KCTD14: variants seen among roughly 807,000 people sequenced by gnomAD.
KCTD14 encodes the protein BTB/POZ domain-containing protein KCTD14.
A neutral mutation model predicts 5.9 loss-of-function variants in KCTD14; 7 were observed. The ratio of observed to expected loss-of-function variants is 1.19; its 90% CI spans 0.68 to 2.23. The LOEUF is 2.23. Ranked by LOEUF, KCTD14 falls within the 30% of genes most tolerant of loss-of-function variation. The pLI is 0.00. For synonymous variants in KCTD14, 140 were observed against 133.1 expected (o/e 1.05, Z -0.36); for missense variants, 342 against 332.2 (o/e 1.03, Z -0.23).
chr11:78,038,530 C>G, intron 2 of KCTD14: 1 of 1,022,150 alleles, frequency 9.8e-7, no homozygotes, highest in East Asian at 2.6e-5. Flanking sequence ...TCAACCGCAC[C>G]CCATCTGGCT....
intron 2 of KCTD14, among the ~76,000 whole-genome samples, chr11:78,029,116 C>T (rs189322868): frequency 6.7e-5 from 10 of 148,420 alleles, no homozygotes; most frequent in Admixed American, 2.1e-4. Context: ...ACCCGGGAGG[C>T]GGAGGTTGCA....
Position 78,023,161 on chromosome 11 carries a change from G to A in KCTD14, c.89C>T (p.Thr30Met). 6.3e-7 allele frequency: 1 copy of A among 1,585,146 alleles called. No individual in the cohort carries two copies. Among genetic ancestry groups the A allele is most frequent in the East Asian group, 2.3e-5 (1 of 42,988 alleles). ...LPQSPRPRRP[T>M]MSTVVELNVG... Reference sequence around the variant, plus strand: ...GGACGCAGCTAGCCTCGCACTTACCGTTGGCCGCCTGGGCCGGGGGGACTG... The same window carrying A: ...GGACGCAGCTAGCCTCGCACTTACCATTGGCCGCCTGGGCCGGGGGGACTG... Residue 30 changes from threonine to methionine, a missense_variant and splice_region_variant, in exon 1 of 2, where the codon ACG becomes ATG. Coordinates refer to ENST00000353172, the MANE Select transcript of KCTD14 (RefSeq NM_023930.4).
exon 1 of KCTD14, chr11:78,046,103 T>G: frequency 1.0e-6 from 1 of 985,310 alleles, no homozygotes. Context: ...GCGAGTGATC[T>G]GCCGAGATTT....
intron 1 of KCTD14, chr11:78,046,047 C>A (rs552428958): frequency 1.0e-6 from 1 of 967,820 alleles, no homozygotes; most frequent in South Asian, 4.8e-5. Flanking sequence ...CACTTAGACA[C>A]AAGCTGGAAT....
At chr11:78,038,749 A>G (rs2136754811) in exon 2 of KCTD14, 4 of 1,535,728 alleles carry the variant, frequency 2.6e-6, no homozygotes, top group Non-Finnish European at 3.5e-6. Flanking sequence ...ACAGAGGCCA[A>G]TGTCACCCCC....
Position 78,023,228 on chromosome 11 carries a change from C to G in KCTD14, c.22G>C (p.Glu8Gln), listed in dbSNP as rs765493402. 6.2e-7 allele frequency: 1 copy of G among 1,608,726 alleles called. No homozygotes were observed. The highest frequency in any genetic ancestry group is 8.5e-7 in the Non-Finnish European group (1 of 1,179,444). The change falls in exon 1 of 2, where the codon GAG (glutamate) becomes CAG (glutamine). Residue 8 changes from glutamate (E) to glutamine (Q), a missense_variant. Physicochemically the swap from Glu to Gln is conservative, Grantham distance 29. Transcript: ENST00000353172. Reference sequence around the variant, plus strand: ...CTCGTCATCCTGCCCACTGGCCGCTCCACTGCGCAGCCCTGCCACATGCAG... The same window carrying G: ...CTCGTCATCCTGCCCACTGGCCGCTGCACTGCGCAGCCCTGCCACATGCAG... The part of the protein sequence containing the change: MWQGCAV[E>Q]RPVGRMTSQT...
intron 1 of KCTD14, among the ~76,000 whole-genome samples, chr11:78,040,852 T>A (rs1025465157): frequency 6.6e-6 from 1 of 151,960 alleles, no homozygotes; most frequent in African/African-American, 2.4e-5. Context: ...GTATTTTTAG[T>A]AGAAATGGGG....
chr11:78,034,241 GCCT>G (rs909828299), intron 2 of KCTD14, among the ~76,000 whole-genome samples: 2 of 152,086 alleles, frequency 1.3e-5, no homozygotes, highest in Admixed American at 1.3e-4. Flanking sequence ...CCCGACCTCA[GCCT>G]CCTGAGTAGC....
chr11:78,038,174 C>T (rs568361182), intron 2 of KCTD14, among the ~76,000 whole-genome samples: 2 of 152,200 alleles, frequency 1.3e-5, no homozygotes, highest in South Asian at 2.1e-4. Context: ...CAGGACAGAA[C>T]GAAGTAGCCA....
chr11:78,022,870 A>G, intron 1 of KCTD14: 2 of 373,986 alleles, frequency 5.3e-6, no homozygotes, highest in Non-Finnish European at 4.8e-6. Context: ...GAGACAAGGG[A>G]AAGGAACTAA....
intron 1 of KCTD14, among the ~76,000 whole-genome samples, chr11:78,039,486 A>G (rs1857929361): frequency 1.3e-5 from 2 of 151,836 alleles, no homozygotes; most frequent in South Asian, 4.2e-4. Flanking sequence ...CCATGATCTC[A>G]CCACTGTACT....
At chr11:78,033,304 A>T (rs1857681121) in intron 2 of KCTD14, among the ~76,000 whole-genome samples, 1 of 152,224 alleles carries the variant, frequency 6.6e-6, no homozygotes, top group Non-Finnish European at 1.5e-5. Context: ...TGGTTAAATA[A>T]GAATATATCC....
At chr11:78,031,695 C>G (rs1857622222) in intron 2 of KCTD14, among the ~76,000 whole-genome samples, 1 of 152,112 alleles carries the variant, frequency 6.6e-6, no homozygotes, top group African/African-American at 2.4e-5. Flanking sequence ...GCCCGTAATC[C>G]CTTTTTAGAG....
At chr11:78,024,658 G>A, upstream of KCTD14, among the ~76,000 whole-genome samples, 1 of 151,502 alleles carries the variant, frequency 6.6e-6, no homozygotes, top group Non-Finnish European at 1.5e-5. Flanking sequence ...AGAACTAACG[G>A]AATAGGGTTG....
intron 1 of KCTD14, among the ~76,000 whole-genome samples, chr11:78,045,420 G>T (rs1359447899): frequency 6.6e-6 from 1 of 152,192 alleles, no homozygotes; most frequent in African/African-American, 2.4e-5. Context: ...AATTGGGGAA[G>T]TTGCATATCT....
intron 1 of KCTD14, among the ~76,000 whole-genome samples, chr11:78,039,088 CA>C (rs925967233): frequency 7.1e-6 from 1 of 140,606 alleles, no homozygotes; most frequent in Non-Finnish European, 1.6e-5. Context: ...AAAAAAAACA[CA>C]AAAAAACAGG....
chr11:78,016,921 T>G lies in KCTD14; in HGVS notation c.440A>C (p.Glu147Ala). 1 of 1,614,252 alleles carries G rather than the reference T, an allele frequency of 6.2e-7. No individual in the cohort carries two copies. Among genetic ancestry groups the G allele is most frequent in the Non-Finnish European group, 8.5e-7 (1 of 1,180,036 alleles). Residue 147 changes from glutamate (E) to alanine (A), a missense_variant, in exon 2 of 2, where the codon GAG becomes GCG. Glu to Ala is a moderately radical substitution (Grantham distance 107). Transcript: ENST00000353172. ...CAGGCGCACCATGAGCTCCAGGTTC[T>G]CGCTGTAGCCCGGCACTTGCAGCAA... Reference protein sequence around the residue: ...QFLLQVPGYSENLELMVRLAR... With the variant: ...QFLLQVPGYSANLELMVRLAR...
At chr11:78,021,130 C>T (rs932152206) in intron 1 of KCTD14, among the ~76,000 whole-genome samples, 1 of 151,808 alleles carries the variant, frequency 6.6e-6, no homozygotes, top group African/African-American at 2.4e-5. Context: ...TGGCAAAACC[C>T]TATCTCTACT....
chr11:78,034,887 C>G (rs958016751), intron 2 of KCTD14, among the ~76,000 whole-genome samples: 14 of 152,128 alleles, frequency 9.2e-5, no homozygotes, highest in Non-Finnish European at 1.8e-4. Context: ...TAAAGAACAA[C>G]GGCTTTGCTT....
Sources: allele counts gnomAD v4.1 joint callset (sites outside exome capture counted in the v4.1 genomes callset), GRCh38; gene constraint gnomAD v4.1.1; transcripts MANE v1.5; gene names NCBI Gene and HGNC (gene_info 2026-07-23, HGNC 2026-07-21).